The following PITPNC1 variants were observed in gnomAD, a reference collection of about 807,000 sequenced individuals.
PITPNC1 encodes cytoplasmic phosphatidylinositol transfer protein 1.
In PITPNC1, 18 loss-of-function variants were observed where a neutral mutation model predicts 44.7. That is an observed-to-expected ratio of 0.40 (90% CI 0.28 to 0.60). The LOEUF (loss-of-function observed/expected upper bound fraction) is 0.60, where lower values mean the gene tolerates loss of function less well. Ranked by LOEUF, PITPNC1 falls within the 20% of genes least tolerant of loss-of-function variation. The pLI, the probability that PITPNC1 is intolerant of heterozygous loss-of-function variation, is 0.39. For synonymous variants in PITPNC1, 141 were observed against 149.6 expected, an observed-to-expected ratio of 0.94 and a Z score of 0.42; for missense variants, 290 against 418.4, an observed-to-expected ratio of 0.69 and a Z score of 2.68.
chr17:67,540,971 C>T (rs1476430936), intron 2 of PITPNC1, among the ~76,000 whole-genome samples: 3 of 152,158 alleles, frequency 2.0e-5, no homozygotes, highest in Non-Finnish European at 4.4e-5. Context: ...AATTCGAGCA[C>T]TTTGGGAGGC....
intron 8 of PITPNC1, among the ~76,000 whole-genome samples, chr17:67,680,633 A>G (rs1216408962): frequency 6.6e-6 from 1 of 152,124 alleles, no homozygotes; most frequent in Non-Finnish European, 1.5e-5. Context: ...ACTATAGATT[A>G]CAGTTCTAGA....
intron 1 of PITPNC1, among the ~76,000 whole-genome samples, chr17:67,528,752 G>C (rs1293023707): frequency 6.6e-6 from 1 of 152,200 alleles, no homozygotes; most frequent in Admixed American, 6.5e-5. Flanking sequence ...CCCAGAGTCT[G>C]AATGGAGAAG....
At chr17:67,425,162 C>T (rs1177238880) in intron 1 of PITPNC1, among the ~76,000 whole-genome samples, 1 of 148,066 alleles carries the variant, frequency 6.8e-6, no homozygotes, top group Admixed American at 6.8e-5. Context: ...CGCCTGCACC[C>T]AGGTGAAATA....
At chr17:67,424,269 A>G (rs1367049493) in intron 1 of PITPNC1, among the ~76,000 whole-genome samples, 1 of 152,046 alleles carries the variant, frequency 6.6e-6, no homozygotes, top group African/African-American at 2.4e-5. Flanking sequence ...CAAGAAGAGG[A>G]AGAATGGCAT....
chr17:67,468,511 C>T (rs1411291643), intron 1 of PITPNC1, among the ~76,000 whole-genome samples: 3 of 148,272 alleles, frequency 2.0e-5, no homozygotes, highest in African/African-American at 7.5e-5. Context: ...TGGCCATTCT[C>T]CTGCCTCAGC....
At chr17:67,434,805 A>T (rs928896679) in intron 1 of PITPNC1, among the ~76,000 whole-genome samples, 4 of 62,696 alleles carry the variant, frequency 6.4e-5, no homozygotes, top group Admixed American at 2.7e-4. Flanking sequence ...CTCAAAAAAA[A>T]AAAAAAAATA....
intron 1 of PITPNC1, among the ~76,000 whole-genome samples, chr17:67,400,618 CTCATT>C (rs1379877125): frequency 6.6e-6 from 1 of 152,062 alleles, no homozygotes; most frequent in Non-Finnish European, 1.5e-5. Context: ...AAGATTTCAG[CTCATT>C]TTATTTAGCA....
At chr17:67,392,767 C>T (rs1394865396) in intron 1 of PITPNC1, among the ~76,000 whole-genome samples, 1 of 152,136 alleles carries the variant, frequency 6.6e-6, no homozygotes, top group Non-Finnish European at 1.5e-5. Flanking sequence ...GAGGACTGCA[C>T]TTCACTGGAT....
In PITPNC1 at chr17:67,645,167, C is replaced by T. The variant is rs150444537; in HGVS notation, c.462+12929C>T. On this transcript the variant is annotated intron_variant, in intron 6 of 8. Coordinates refer to ENST00000581322, the MANE Select transcript of PITPNC1 (RefSeq NM_012417.4). Reference sequence around the variant, plus strand: ...ACCAGCCTGACCAACACGGAGAAACCGCATCTCTACTAAAAATACAAAAAT... The same window carrying T: ...ACCAGCCTGACCAACACGGAGAAACTGCATCTCTACTAAAAATACAAAAAT... 6.2e-3 allele frequency among the ~76,000 whole-genome samples: 944 copies of T among 152,036 alleles called. 9 individuals carry two copies. Among genetic ancestry groups the T allele is most frequent in the African/African-American group, 0.021 (872 of 41,468 alleles).
intron 1 of PITPNC1, among the ~76,000 whole-genome samples, chr17:67,504,969 C>A (rs1235484503): frequency 6.6e-6 from 1 of 152,170 alleles, no homozygotes; most frequent in Non-Finnish European, 1.5e-5. Flanking sequence ...TTATTTTCTA[C>A]TCTCCCTTGT....
At chr17:67,541,224 T>A (rs570720666) in intron 2 of PITPNC1, among the ~76,000 whole-genome samples, 93 of 151,608 alleles carry the variant, frequency 6.1e-4, no homozygotes, top group African/African-American at 2.1e-3. Flanking sequence ...CAAAAAATAA[T>A]AATAAAAATA....
At chr17:67,462,223 T>G (rs1350532316) in intron 1 of PITPNC1, among the ~76,000 whole-genome samples, 2 of 137,464 alleles carry the variant, frequency 1.5e-5, no homozygotes, top group African/African-American at 5.7e-5. Context: ...CTTTCTTTCT[T>G]TCTTTTTTTT....
At chr17:67,494,177 T>TTC (rs1324044091) in intron 1 of PITPNC1, among the ~76,000 whole-genome samples, 2 of 60,686 alleles carry the variant, frequency 3.3e-5, no homozygotes, top group Non-Finnish European at 6.9e-5. Context: ...CTTTCTTTCT[T>TTC]TCTTTCTTTT....
chr17:67,462,320 C>T (rs1438061150), intron 1 of PITPNC1, among the ~76,000 whole-genome samples: 1 of 148,040 alleles, frequency 6.8e-6, no homozygotes, highest in Non-Finnish European at 1.5e-5. Flanking sequence ...CAACCTCTGC[C>T]TCCTGGGTTC....
intron 1 of PITPNC1, among the ~76,000 whole-genome samples, chr17:67,485,565 A>T (rs1179235853): frequency 1.3e-5 from 2 of 151,774 alleles, no homozygotes; most frequent in Non-Finnish European, 2.9e-5. Context: ...GGGTCTCACC[A>T]TGTTGGCCAA....
chr17:67,681,329 T>G (rs1353014950), intron 8 of PITPNC1, among the ~76,000 whole-genome samples: 1 of 152,090 alleles, frequency 6.6e-6, no homozygotes, highest in Non-Finnish European at 1.5e-5. Context: ...AATTGAAAAT[T>G]TGGCCAGGTG....
chr17:67,650,441 CT>C (rs34611864), intron 6 of PITPNC1, among the ~76,000 whole-genome samples: 3,094 of 70,894 alleles, frequency 0.044, 9 homozygotes, highest in East Asian at 0.14. Flanking sequence ...AAACCATAGG[CT>C]TTTTTTTTTT....
In PITPNC1 at chr17:67,641,613, A is replaced by G. The variant is rs112700070; in HGVS notation, c.462+9375A>G. ...GAAGTTCCAGACCCACCTAGGCAACATGGCAAAACCCCATCTCTATAAAAA... is the reference window on the plus strand; with the variant it reads ...GAAGTTCCAGACCCACCTAGGCAACGTGGCAAAACCCCATCTCTATAAAAA... On this transcript the variant is annotated intron_variant, in intron 6 of 8. Coordinates refer to ENST00000581322, the MANE Select transcript of PITPNC1 (RefSeq NM_012417.4). Among the ~76,000 whole-genome samples, 163 of 152,168 alleles carry G rather than the reference A, an allele frequency of 1.1e-3. 1 individual carries two copies. Among genetic ancestry groups the G allele is most frequent in the African/African-American group, 3.8e-3 (159 of 41,522 alleles).
intron 1 of PITPNC1, among the ~76,000 whole-genome samples, chr17:67,498,996 A>T (rs2949945): frequency 6.6e-6 from 1 of 151,538 alleles, no homozygotes; most frequent in Non-Finnish European, 1.5e-5. Context: ...CTCAGCCTCC[A>T]GAGTAGCTGG....
Sources: allele counts gnomAD v4.1 joint callset (sites outside exome capture counted in the v4.1 genomes callset), GRCh38; gene constraint gnomAD v4.1.1; transcripts MANE v1.5; gene names NCBI Gene and HGNC (gene_info 2026-07-23, HGNC 2026-07-21).